Variants in IL1RAPL2 observed in about 807,000 individuals in gnomAD.
IL1RAPL2 encodes X-linked interleukin-1 receptor accessory protein-like 2.
IL1RAPL2 carries 3 observed loss-of-function variants against 44.1 expected under a neutral mutation model. That is an observed-to-expected ratio of 0.07 (90% CI 0.03 to 0.18). IL1RAPL2 has a LOEUF of 0.18. Ranked by LOEUF, IL1RAPL2 falls within the 10% of genes least tolerant of loss-of-function variation. IL1RAPL2 has a pLI of 1.00. For synonymous variants in IL1RAPL2, 181 were observed against 178.8 expected (o/e 1.01, Z -0.10); for missense variants, 391 against 496.4 (o/e 0.79, Z 2.02).
intron 1 of IL1RAPL2, among the ~76,000 whole-genome samples, chrX:104,604,629 A>G (rs1352511903): frequency 2.4e-5 from 2 of 81,659 alleles, no homozygotes; most frequent in Admixed American, 2.7e-4. Context: ...GAGGAAATGC[A>G]TAGCAAAAAA....
At chrX:105,442,445 G>A (rs187703369) in intron 5 of IL1RAPL2, among the ~76,000 whole-genome samples, 1 of 111,442 alleles carries the variant, frequency 9.0e-6, no homozygotes, top group East Asian at 2.8e-4. Context: ...AAATTCATAA[G>A]GTGCAAACAT....
chrX:105,312,212 A>G (rs1435367872), intron 5 of IL1RAPL2, among the ~76,000 whole-genome samples: 1 of 111,860 alleles, frequency 8.9e-6, no homozygotes, highest in Non-Finnish European at 1.9e-5. Context: ...GGATGGAAAG[A>G]AAGGATTATG....
At chrX:105,407,116 A>G in intron 5 of IL1RAPL2, 1 of 534,902 alleles carries the variant, frequency 1.9e-6, no homozygotes, top group East Asian at 3.3e-5. Context: ...TTCTCCACTC[A>G]CTCAGTTGTC....
intron 1 of IL1RAPL2, among the ~76,000 whole-genome samples, chrX:104,585,582 T>A (rs1444828106): frequency 1.0e-5 from 1 of 98,026 alleles, no homozygotes; most frequent in Non-Finnish European, 2.0e-5. Flanking sequence ...TTTTCTCATC[T>A]TCTCCCTCTT....
intron 2 of IL1RAPL2, among the ~76,000 whole-genome samples, chrX:104,719,588 G>T (rs903600015): frequency 9.0e-6 from 1 of 111,634 alleles, no homozygotes; most frequent in Non-Finnish European, 1.9e-5. Flanking sequence ...GGTATTGGGT[G>T]CATTGCTGGA....
intron 3 of IL1RAPL2, among the ~76,000 whole-genome samples, chrX:105,227,840 A>C (rs1412803155): frequency 8.9e-6 from 1 of 112,386 alleles, no homozygotes; most frequent in Non-Finnish European, 1.9e-5. Flanking sequence ...TTGCAATTTA[A>C]ACTTTTTTAA....
Position 104,987,056 on chromosome X carries a change from T to G in IL1RAPL2, c.83-208419T>G, listed in dbSNP as rs780434589. Among the ~76,000 whole-genome samples the G allele has an allele frequency of 6.2e-5, 7 of 112,325 alleles. 1 individual carries two copies. In the South Asian group the frequency reaches 1.5e-3, roughly 24 times the overall value. On this transcript the variant is annotated intron_variant, in intron 2 of 10. Transcript: ENST00000372582. ...AATCAGCACCACTTGAATAGAGGCC[T>G]TGTTACCCATATTCTCCTATATAGT...
chrX:105,216,960 G>A (rs2033864453), intron 3 of IL1RAPL2, among the ~76,000 whole-genome samples: 3 of 110,676 alleles, frequency 2.7e-5, no homozygotes, highest in South Asian at 7.7e-4. Context: ...ATTCAAGATG[G>A]ATTAAAGACT....
intron 2 of IL1RAPL2, among the ~76,000 whole-genome samples, chrX:105,098,869 C>T (rs776570138): frequency 9.0e-6 from 1 of 111,608 alleles, no homozygotes; most frequent in South Asian, 3.9e-4. Context: ...ATAAGTTTAA[C>T]ACGCTGAAGA....
At chrX:105,672,958 T>C (rs1161126011) in intron 6 of IL1RAPL2, among the ~76,000 whole-genome samples, 1 of 111,236 alleles carries the variant, frequency 9.0e-6, no homozygotes, top group Non-Finnish European at 1.9e-5. Context: ...CTGGTGTATA[T>C]GAGACACAAA....
At chrX:105,358,066 AG>A (rs1329180628) in intron 5 of IL1RAPL2, among the ~76,000 whole-genome samples, 3 of 101,732 alleles carry the variant, frequency 2.9e-5, no homozygotes, top group Admixed American at 1.1e-4. Context: ...AAAAAAAAAA[AG>A]TTTGCTGCCT....
chrX:105,163,572 A>G lies in IL1RAPL2; in HGVS notation c.83-31903A>G, dbSNP rs2033345439. Among the ~76,000 whole-genome samples, 6 of 112,097 alleles carry G rather than the reference A, an allele frequency of 5.4e-5. No individual in the cohort carries two copies. In the Admixed American group the frequency reaches 5.7e-4, roughly 11 times the overall value. On this transcript the variant is annotated intron_variant, in intron 2 of 10. Coordinates refer to ENST00000372582, the MANE Select transcript of IL1RAPL2 (RefSeq NM_017416.2). ...AACTGTATTTTCTAGAACCTTTGAT[A>G]TCTCTGCTAATATGTCGTGCATATT...
intron 2 of IL1RAPL2, among the ~76,000 whole-genome samples, chrX:104,925,281 G>A (rs1169560529): frequency 2.8e-5 from 3 of 106,473 alleles, no homozygotes; most frequent in African/African-American, 1.0e-4. Flanking sequence ...AAATATACAG[G>A]TAAGAGTCAG....
rs1314342506 is a variant in IL1RAPL2 at position 105,245,812 on chromosome X, A to G, written c.543+11808A>G. On this transcript the variant is annotated intron_variant, in intron 4 of 10. Transcript: ENST00000372582. Reference sequence around the variant, plus strand: ...TTGGAGTGAAACACTCATCTATGTGATTAGTTACCTCAGTTGGTAAAAGTC... The same window carrying G: ...TTGGAGTGAAACACTCATCTATGTGGTTAGTTACCTCAGTTGGTAAAAGTC... Among the ~76,000 whole-genome samples the G allele has an allele frequency of 2.7e-5, 3 of 112,602 alleles. No individual in the cohort carries two copies. The East Asian group carries it at 8.4e-4, about 31-fold the overall frequency.
intron 4 of IL1RAPL2, among the ~76,000 whole-genome samples, chrX:105,248,863 G>A (rs1003980810): frequency 5.4e-5 from 6 of 111,140 alleles, no homozygotes; most frequent in Non-Finnish European, 1.1e-4. Flanking sequence ...CTGAGGATTC[G>A]AAGAAAAGGG....
intron 3 of IL1RAPL2, among the ~76,000 whole-genome samples, chrX:105,205,025 A>T (rs1556150338): frequency 9.0e-6 from 1 of 111,532 alleles, no homozygotes; most frequent in East Asian, 2.8e-4. Context: ...AGTTGGGAAA[A>T]CATATAAATA....
intron 6 of IL1RAPL2, among the ~76,000 whole-genome samples, chrX:105,628,297 T>C (rs2147834076): frequency 8.9e-6 from 1 of 111,910 alleles, no homozygotes; most frequent in South Asian, 3.7e-4. Flanking sequence ...AAGAGATTAG[T>C]CAATGAAGCT....
At chrX:105,291,451 A>G (rs944068366) in intron 5 of IL1RAPL2, among the ~76,000 whole-genome samples, 2 of 111,905 alleles carry the variant, frequency 1.8e-5, no homozygotes, top group African/African-American at 6.5e-5. Context: ...GAATATGATA[A>G]CCAATTCTCA....
At chrX:105,262,873 A>G (rs2034370397) in intron 4 of IL1RAPL2, among the ~76,000 whole-genome samples, 1 of 110,613 alleles carries the variant, frequency 9.0e-6, no homozygotes, top group East Asian at 2.8e-4. Flanking sequence ...CAGACAGTTC[A>G]GTTTCCCTAA....
Sources: allele counts gnomAD v4.1 joint callset (sites outside exome capture counted in the v4.1 genomes callset), GRCh38; gene constraint gnomAD v4.1.1; transcripts MANE v1.5; gene names NCBI Gene and HGNC (gene_info 2026-07-23, HGNC 2026-07-21).